DENND11: variants seen among roughly 807,000 people sequenced by gnomAD.
DENND11 encodes DENN domain containing 11, also known as DENN domain-containing protein 11.
In DENND11, 34 loss-of-function variants were observed where a neutral mutation model predicts 49.2. That is an observed-to-expected ratio of 0.69 (90% CI 0.53 to 0.92). DENND11 has a LOEUF of 0.92. Among genes scored for constraint, DENND11 ranks in the 40% least tolerant of loss-of-function variants. DENND11 has a pLI of 0.00. For missense variants in DENND11, 475 were observed against 581.6 expected, an observed-to-expected ratio of 0.82 and a Z score of 1.88; for synonymous variants, 238 against 230.3, an observed-to-expected ratio of 1.03 and a Z score of -0.30.
chr7:141,664,797 G>T, intron 7 of DENND11, 107 bp downstream of exon 7: 1 of 1,274,386 alleles, frequency 7.8e-7, no homozygotes, highest in Non-Finnish European at 1.1e-6. Flanking sequence ...TGGAGACTGG[G>T]AGAAATGTGT....
At chr7:141,669,482 A>C (rs1554408445) in intron 4 of DENND11, among the ~76,000 whole-genome samples, 1 of 151,768 alleles carries the variant, frequency 6.6e-6, no homozygotes, top group Non-Finnish European at 1.5e-5. Flanking sequence ...TCCTGATCTC[A>C]TGATCCACCT....
rs76270074 is a variant in DENND11, at chr7:141,667,969, T to G, written c.682-1544A>C. 1.4e-4 allele frequency among the ~76,000 whole-genome samples: 21 copies of G among 152,344 alleles called. No homozygotes were observed. In the East Asian group the frequency reaches 3.3e-3, roughly 24 times the overall value. ...GAGGCACCAAGTGACCAAGGCTGGTTGCATCCCTCCAATCGCTATTTCTCT... is the reference window on the plus strand; with the variant it reads ...GAGGCACCAAGTGACCAAGGCTGGTGGCATCCCTCCAATCGCTATTTCTCT... On this transcript the variant is annotated intron_variant, in intron 4 of 8. Coordinates refer to ENST00000536163, the MANE Select transcript of DENND11 (RefSeq NM_001080392.2).
intron 1 of DENND11, among the ~76,000 whole-genome samples, chr7:141,700,519 TAGA>T (rs957003308): frequency 4.0e-5 from 6 of 151,470 alleles, no homozygotes; most frequent in Admixed American, 2.6e-4. Context: ...GCATTACATG[TAGA>T]AGGAGTCAGC....
chr7:141,671,667 T>C (rs1797982209), intron 4 of DENND11, among the ~76,000 whole-genome samples: 1 of 152,210 alleles, frequency 6.6e-6, no homozygotes, highest in Admixed American at 6.5e-5. Flanking sequence ...TGGACTCTTA[T>C]GGGGAAGAAT....
chr7:141,678,117 ACGC>A (rs1407110971), intron 3 of DENND11, among the ~76,000 whole-genome samples: 5 of 152,042 alleles, frequency 3.3e-5, no homozygotes, highest in Non-Finnish European at 2.9e-5. Flanking sequence ...GCACACTGCC[ACGC>A]CCAGCTAAGT....
intron 1 of DENND11, among the ~76,000 whole-genome samples, chr7:141,693,498 T>C (rs574303457): frequency 6.6e-6 from 1 of 152,322 alleles, no homozygotes; most frequent in South Asian, 2.1e-4. Flanking sequence ...TTTGTATTTA[T>C]CCAAATGAGC....
intron 3 of DENND11, among the ~76,000 whole-genome samples, chr7:141,676,008 C>CT (rs1798056122): frequency 6.6e-6 from 1 of 152,188 alleles, no homozygotes; most frequent in Non-Finnish European, 1.5e-5. Context: ...AACCCATGGT[C>CT]TAAGCTGTGT....
intron 3 of DENND11, among the ~76,000 whole-genome samples, chr7:141,680,561 T>C (rs183447579): frequency 7.2e-5 from 11 of 151,960 alleles, no homozygotes; most frequent in African/African-American, 2.4e-4. Context: ...ATTTCCCAGA[T>C]TGCCTTGCTA....
chr7:141,669,514 G>A (rs1300366059), intron 4 of DENND11, among the ~76,000 whole-genome samples: 2 of 152,066 alleles, frequency 1.3e-5, no homozygotes, highest in Non-Finnish European at 2.9e-5. Flanking sequence ...CCAAAGTGCT[G>A]GGATTACAGG....
At chr7:141,669,545 C>T (rs1188231169) in intron 4 of DENND11, among the ~76,000 whole-genome samples, 5 of 152,030 alleles carry the variant, frequency 3.3e-5, no homozygotes, top group Admixed American at 2.0e-4. Flanking sequence ...CGTGCTCAGA[C>T]TAAAGCTTTT....
chr7:141,660,631 T>C lies in DENND11; in HGVS notation c.*2025A>G, dbSNP rs919921660. On this transcript the variant is annotated 3_prime_UTR_variant, in exon 9 of 9. Transcript: ENST00000536163. Reference sequence around the variant, plus strand: ...TCCCTAATTCCAGAAAAAGGAGGTCTTCTTGTGTCCTCTAGGAGAATCAGA... The same window carrying C: ...TCCCTAATTCCAGAAAAAGGAGGTCCTCTTGTGTCCTCTAGGAGAATCAGA... 1.3e-5 allele frequency: 2 copies of C among 152,274 alleles called. No homozygotes were observed. Among genetic ancestry groups the C allele is most frequent in the Admixed American group, 6.5e-5 (1 of 15,284 alleles). The allele number at this position is 152,274 out of a possible 1,614,324, so 9.4% of individuals were successfully genotyped here.
chr7:141,674,051 G>A lies in DENND11; in HGVS notation c.681+16C>T. 6.2e-7 allele frequency: 1 copy of A among 1,602,048 alleles called. No individual in the cohort carries two copies. The highest frequency in any genetic ancestry group is 8.5e-7 in the Non-Finnish European group (1 of 1,174,396). On this transcript the variant is annotated intron_variant, in intron 4 of 8. Transcript: ENST00000536163. The stretch of plus-strand genomic sequence containing the variant: ...ACAGATCCAGTATAGTGTAAGAAAA[G>A]CAGGGCTAACCTCACCTTCATCTCA...
chr7:141,695,791 G>A (rs1463681272), intron 1 of DENND11, among the ~76,000 whole-genome samples: 1 of 152,184 alleles, frequency 6.6e-6, no homozygotes, highest in Non-Finnish European at 1.5e-5. Context: ...CCATCTCTGT[G>A]TCCTTTCTCA....
rs1372963292 is a variant in DENND11, at chr7:141,701,902, G to A, written c.252C>T (p.Thr84=). Residue 84 remains threonine (T), a synonymous_variant, in exon 1 of 9, where the codon ACC becomes ACT. Coordinates refer to ENST00000536163, the MANE Select transcript of DENND11 (RefSeq NM_001080392.2). ...EDQVVAVFVV[T]FDPRSGNMVE... Reference sequence around the variant, plus strand: ...GGCCCTCACCCGAGCGGGGGTCGAAGGTGACCACGAACACGGCCACCACCT... The same window carrying A: ...GGCCCTCACCCGAGCGGGGGTCGAAAGTGACCACGAACACGGCCACCACCT... 6.6e-6 allele frequency: 8 copies of A among 1,211,726 alleles called. No homozygotes were observed. In the Middle Eastern group the frequency reaches 8.7e-4, roughly 132 times the overall value. 75.1% of individuals were successfully genotyped at this position (1,211,726 alleles called of 1,614,324 possible). A position where few individuals can be genotyped will look rare whatever the true frequency, so the allele number is the denominator to read the frequency against.
chr7:141,696,585 T>TC (rs1418319107), intron 1 of DENND11, among the ~76,000 whole-genome samples: 1 of 152,172 alleles, frequency 6.6e-6, no homozygotes, highest in Admixed American at 6.5e-5. Context: ...GGAGTGGAAC[T>TC]CCCACCCCAG....
In DENND11 at chr7:141,660,900, G is replaced by A. The variant is rs1797781592; in HGVS notation, c.*1756C>T. On this transcript the variant is annotated 3_prime_UTR_variant, in exon 9 of 9. Transcript: ENST00000536163. ...AAATGACAGCAACCCACATTGCAGAGGAGAAAAGTCTATTAGCTGTACAGT... is the reference window on the plus strand; with the variant it reads ...AAATGACAGCAACCCACATTGCAGAAGAGAAAAGTCTATTAGCTGTACAGT... 1 of 152,452 alleles carries A rather than the reference G, an allele frequency of 6.6e-6. No homozygotes were observed. The highest frequency in any genetic ancestry group is 2.1e-4 in the South Asian group (1 of 4,822). 9.4% of individuals were successfully genotyped at this position (152,452 alleles called of 1,614,324 possible).
At chr7:141,681,992 T>C (rs1486449739) in intron 3 of DENND11, among the ~76,000 whole-genome samples, 1 of 152,232 alleles carries the variant, frequency 6.6e-6, no homozygotes, top group African/African-American at 2.4e-5. Context: ...ATTTCACTGT[T>C]GTTATGAACT....
chr7:141,692,622 T>G lies in DENND11; in HGVS notation c.269-5964A>C, dbSNP rs149529189. Among the ~76,000 whole-genome samples, 869 of 152,108 alleles carry G rather than the reference T, an allele frequency of 5.7e-3. 6 individuals carry two copies. Among genetic ancestry groups the G allele is most frequent in the African/African-American group, 0.018 (731 of 41,498 alleles). On this transcript the variant is annotated intron_variant, in intron 1 of 8. Transcript: ENST00000536163. ...CCTACTTTACCCCTTTCACAAAAAT[T>G]TATTCAATATGGAAAGTAGCTAGCC...
At chr7:141,696,073 C>T (rs1584727837) in intron 1 of DENND11, among the ~76,000 whole-genome samples, 2 of 152,300 alleles carry the variant, frequency 1.3e-5, no homozygotes, top group Admixed American at 1.3e-4. Flanking sequence ...AGCTCAGTTA[C>T]CCAGGCAAAG....
Sources: allele counts gnomAD v4.1 joint callset (sites outside exome capture counted in the v4.1 genomes callset), GRCh38; gene constraint gnomAD v4.1.1; transcripts MANE v1.5; gene names NCBI Gene and HGNC (gene_info 2026-07-23, HGNC 2026-07-21).